MAP2K6: variants seen among roughly 807,000 people sequenced by gnomAD.
The protein encoded by MAP2K6 is dual specificity mitogen-activated protein kinase kinase 6.
Under a neutral mutation model 53.7 loss-of-function variants are expected in MAP2K6, and 16 were observed. The ratio of observed to expected loss-of-function variants is 0.30; its 90% CI spans 0.20 to 0.45. The LOEUF (loss-of-function observed/expected upper bound fraction) is 0.45. Ranked by LOEUF, MAP2K6 falls within the 20% of genes least tolerant of loss-of-function variation. The pLI, the probability that MAP2K6 is intolerant of heterozygous loss-of-function variation, is 1.00. For missense variants in MAP2K6, 204 were observed against 411.9 expected, an observed-to-expected ratio of 0.50 and a Z score of 4.37; for synonymous variants, 132 against 143.1, an observed-to-expected ratio of 0.92 and a Z score of 0.55.
chr17:69,475,173 T>G lies in MAP2K6; in HGVS notation c.17-30607T>G, dbSNP rs868600697. ...TAAGATTGAAATCTGTGTTTTTTTTTTTTTTTTTTTTTTGAGACGGAGTCT... is the reference window on the plus strand; with the variant it reads ...TAAGATTGAAATCTGTGTTTTTTTTGTTTTTTTTTTTTTGAGACGGAGTCT... On this transcript the variant is annotated intron_variant, in intron 1 of 11. Coordinates refer to ENST00000590474, the MANE Select transcript of MAP2K6 (RefSeq NM_002758.4). Among the ~76,000 whole-genome samples the G allele has an allele frequency of 5.5e-5, 8 of 145,530 alleles. No individual in the cohort carries two copies. The East Asian group carries it at 5.9e-4, about 11-fold the overall frequency.
At chr17:69,525,526 A>G (rs534635671) in intron 9 of MAP2K6, among the ~76,000 whole-genome samples, 50 of 152,350 alleles carry the variant, frequency 3.3e-4, no homozygotes, top group African/African-American at 1.1e-3. Flanking sequence ...AAAGAGGTTT[A>G]ATGGACTCAC....
At chr17:69,420,900 C>G (rs1386407193) in intron 1 of MAP2K6, among the ~76,000 whole-genome samples, 1 of 152,092 alleles carries the variant, frequency 6.6e-6, no homozygotes, top group Non-Finnish European at 1.5e-5. Flanking sequence ...GGTTTCTTAC[C>G]AGTTCTCTGC....
At chr17:69,472,267 A>C (rs1164025410) in intron 1 of MAP2K6, among the ~76,000 whole-genome samples, 1 of 152,150 alleles carries the variant, frequency 6.6e-6, no homozygotes. Context: ...TGTACCCCCG[A>C]ATCTAAAAAA....
intron 1 of MAP2K6, chr17:69,501,731 C>A (rs1909183462): frequency 6.6e-6 from 1 of 152,090 alleles, no homozygotes; most frequent in Non-Finnish European, 1.5e-5. Context: ...GCAGTCGAGG[C>A]TTGTTGCGAT....
intron 1 of MAP2K6, among the ~76,000 whole-genome samples, chr17:69,491,200 A>G (rs1908739362): frequency 1.3e-5 from 2 of 148,682 alleles, no homozygotes; most frequent in African/African-American, 2.5e-5. Context: ...CTGGAGTGCA[A>G]TGGCACCATC....
intron 6 of MAP2K6, 136 bp downstream of exon 6, chr17:69,520,522 A>G: frequency 1.5e-6 from 1 of 646,304 alleles, no homozygotes; most frequent in South Asian, 1.9e-5. Flanking sequence ...TTATTGGTGG[A>G]TGGATAAATA....
rs1053545786 is a variant in MAP2K6, at chr17:69,494,959, C to T, written c.17-10821C>T. On this transcript the variant is annotated intron_variant, in intron 1 of 11. Coordinates refer to ENST00000590474, the MANE Select transcript of MAP2K6 (RefSeq NM_002758.4). This position sits in a 1 kb window ranked among gnomAD's most constrained non-coding sequence, Gnocchi z 4.2. ...GGTGGAGGTTGCCGTGAGCCGAGAT[C>T]GCGACATTGCACTCCAGCCTGGGCA... Among the ~76,000 whole-genome samples, 2 of 151,728 alleles carry T rather than the reference C, an allele frequency of 1.3e-5. No homozygotes were observed. The highest frequency in any genetic ancestry group is 2.9e-5 in the Non-Finnish European group (2 of 67,944).
At chr17:69,531,115 C>T (rs138726099) in intron 10 of MAP2K6, among the ~76,000 whole-genome samples, 323 of 151,466 alleles carry the variant, frequency 2.1e-3, no homozygotes, top group African/African-American at 7.2e-3. Context: ...CTATGGTCCT[C>T]CCAGACTTCT....
rs768750464 is a variant in MAP2K6 at position 69,494,561 on chromosome 17, G to T, written c.17-11219G>T. Among the ~76,000 whole-genome samples the T allele has an allele frequency of 1.3e-4, 20 of 152,010 alleles. No individual in the cohort carries two copies. Among genetic ancestry groups the T allele is most frequent in the Non-Finnish European group, 2.8e-4 (19 of 67,994 alleles). On this transcript the variant is annotated intron_variant, in intron 1 of 11. Transcript: ENST00000590474. The surrounding 1 kb of genome is among the most constrained non-coding windows in gnomAD (Gnocchi z 4.2). ...AGCCCCTGGATTAAAAGGGAAATAA[G>T]ACCCTGTACTGATAGCATTCTAGGG... is the stretch of plus-strand genomic sequence containing the variant.
At chr17:69,487,794 C>A (rs562504160) in intron 1 of MAP2K6, among the ~76,000 whole-genome samples, 1 of 152,318 alleles carries the variant, frequency 6.6e-6, no homozygotes, top group South Asian at 2.1e-4. Flanking sequence ...TTCCTTCAGT[C>A]TTTAATTCTG....
At chr17:69,495,629 A>G (rs1908918520) in intron 1 of MAP2K6, among the ~76,000 whole-genome samples, 1 of 152,024 alleles carries the variant, frequency 6.6e-6, no homozygotes, top group African/African-American at 2.4e-5. Flanking sequence ...CTCATGGCCA[A>G]TCCTATTTTA....
chr17:69,456,542 G>A (rs1163169126), intron 1 of MAP2K6, among the ~76,000 whole-genome samples: 2 of 152,274 alleles, frequency 1.3e-5, no homozygotes, highest in African/African-American at 2.4e-5. Flanking sequence ...CGTTCATAAG[G>A]TGGATGGTAA....
chr17:69,481,880 G>A (rs1181234249), intron 1 of MAP2K6, among the ~76,000 whole-genome samples: 1 of 152,168 alleles, frequency 6.6e-6, no homozygotes, highest in Non-Finnish European at 1.5e-5. Flanking sequence ...TTTGGCCCAT[G>A]ATACCCCACT....
rs1056066829 is a variant in MAP2K6 at position 69,441,656 on chromosome 17, G to A, written c.16+26656G>A. Among the ~76,000 whole-genome samples the A allele has an allele frequency of 3.3e-5, 5 of 152,304 alleles. No individual in the cohort carries two copies. In the East Asian group the frequency reaches 9.6e-4, roughly 29 times the overall value. On this transcript the variant is annotated intron_variant, in intron 1 of 11. Transcript: ENST00000590474. ...TTGAGATGTTCCTATTTCTTGGTAT[G>A]ACAAGTGACTTTTGATTGAAATCTG...
intron 1 of MAP2K6, among the ~76,000 whole-genome samples, chr17:69,467,224 G>A (rs917871236): frequency 3.9e-5 from 6 of 152,196 alleles, no homozygotes; most frequent in African/African-American, 1.4e-4. Flanking sequence ...AATTAAGTAA[G>A]CGAGGTACCA....
chr17:69,455,995 G>A (rs913622977), intron 1 of MAP2K6, among the ~76,000 whole-genome samples: 1 of 151,820 alleles, frequency 6.6e-6, no homozygotes, highest in African/African-American at 2.4e-5. Flanking sequence ...CGAGTAGCTG[G>A]GATTACAGGC....
At position 69,478,392 on chromosome 17, in the gene MAP2K6, GGGGT is replaced by G. The variant is rs553321909; in HGVS notation, c.17-27384_17-27381del. 9.9e-5 allele frequency among the ~76,000 whole-genome samples: 15 copies of G among 152,268 alleles called. No homozygotes were observed. In the South Asian group the frequency reaches 3.1e-3, roughly 32 times the overall value. On this transcript the variant is annotated intron_variant, in intron 1 of 11. Coordinates refer to ENST00000590474, the MANE Select transcript of MAP2K6 (RefSeq NM_002758.4). ...TCCAGAAGAGACATATGGGAAGATGGGGGTGGGCAGGAGTAGGGGGCTAGCTCTC... is the reference window on the plus strand; with the variant it reads ...TCCAGAAGAGACATATGGGAAGATGGGGGCAGGAGTAGGGGGCTAGCTCTC...
intron 1 of MAP2K6, among the ~76,000 whole-genome samples, chr17:69,436,032 A>C (rs80186643): frequency 2.2e-5 from 3 of 137,388 alleles, no homozygotes; most frequent in African/African-American, 5.6e-5. Flanking sequence ...AAAAAAAAAA[A>C]ACAAATGTGC....
chr17:69,431,633 A>G (rs1351282567), intron 1 of MAP2K6, among the ~76,000 whole-genome samples: 1 of 152,166 alleles, frequency 6.6e-6, no homozygotes, highest in Non-Finnish European at 1.5e-5. Flanking sequence ...GGTAGGAGCT[A>G]AGTAAGGCAT....
Sources: gnomAD v4.1 joint callset for allele counts (sites outside exome capture counted in the v4.1 genomes callset) on GRCh38, gnomAD v4.1.1 for gene constraint, Gnocchi (gnomAD v3.1) non-coding constraint, MANE v1.5 for transcripts, NCBI Gene and HGNC (gene_info 2026-07-23, HGNC 2026-07-21) for gene names.